SDK1: variants seen among roughly 807,000 people sequenced by gnomAD.
SDK1 encodes the protein sidekick cell adhesion molecule 1, also known as protein sidekick-1.
SDK1 carries 157 observed loss-of-function variants against 245.5 expected under a neutral mutation model. That is an observed-to-expected ratio of 0.64 (90% confidence interval 0.56 to 0.73). The LOEUF (loss-of-function observed/expected upper bound fraction) is 0.73, where lower values mean the gene tolerates loss of function less well. SDK1 is among the 30% of genes least tolerant of loss of function. SDK1 has a pLI of 0.00. For synonymous variants in SDK1, 1,647 were observed against 1,278.5 expected, an observed-to-expected ratio of 1.29 and a Z score of -6.15; for missense variants, 3,583 against 3,002.3, an observed-to-expected ratio of 1.19 and a Z score of -4.52.
At chr7:4,037,453 A>G (rs936294415) in intron 17 of SDK1, among the ~76,000 whole-genome samples, 3 of 152,204 alleles carry the variant, frequency 2.0e-5, no homozygotes, top group African/African-American at 7.2e-5. Flanking sequence ...ACCCATCTCT[A>G]CAAAAAATGC....
Position 3,924,904 on chromosome 7 carries a change from G to T in SDK1, c.848-26019G>T, listed in dbSNP as rs144330641. On this transcript the variant is annotated intron_variant, in intron 5 of 44. Transcript: ENST00000404826. The stretch of plus-strand genomic sequence containing the variant: ...TCACTTGTCTGGTGCTTCAAGCCTG[G>T]GGTCTGCCTTCCTAATAATGGCCAC... 6.8e-3 allele frequency among the ~76,000 whole-genome samples: 1,032 copies of T among 152,188 alleles called. 9 individuals are homozygous for T. The highest frequency in any genetic ancestry group is 0.011 in the Non-Finnish European group (761 of 68,004).
chr7:4,185,029 A>G (rs1782802633), intron 35 of SDK1, among the ~76,000 whole-genome samples: 1 of 152,190 alleles, frequency 6.6e-6, no homozygotes, highest in African/African-American at 2.4e-5. Flanking sequence ...TCTGTCCCCA[A>G]ACTAGTTGCT....
intron 17 of SDK1, among the ~76,000 whole-genome samples, chr7:4,023,959 G>T (rs1023455814): frequency 1.3e-5 from 2 of 152,178 alleles, no homozygotes; most frequent in Non-Finnish European, 1.5e-5. Context: ...TACATTTTTT[G>T]AATTCATCCA....
chr7:3,413,866 G>T (rs1779284610), intron 1 of SDK1, among the ~76,000 whole-genome samples: 1 of 152,092 alleles, frequency 6.6e-6, no homozygotes, highest in South Asian at 2.1e-4. Context: ...CATGTTTGTG[G>T]TCCCAGCTAC....
intron 14 of SDK1, among the ~76,000 whole-genome samples, chr7:3,998,282 T>C (rs903895949): frequency 1.3e-5 from 2 of 152,182 alleles, no homozygotes; most frequent in South Asian, 4.1e-4. Context: ...CGGCAGCACC[T>C]CCCTGCAACA....
chr7:3,331,389 A>G (rs538635437), intron 1 of SDK1, among the ~76,000 whole-genome samples: 14 of 152,208 alleles, frequency 9.2e-5, no homozygotes, highest in African/African-American at 1.9e-4. Flanking sequence ...TACTTCCTCA[A>G]TGGCTAATAA....
rs773434827 is a variant in SDK1 at position 3,962,717 on chromosome 7, A to G, written c.1295A>G (p.Asn432Ser). 1.9e-6 allele frequency: 3 copies of G among 1,613,812 alleles called. No individual in the cohort carries two copies. The highest frequency in any genetic ancestry group is 1.7e-6 in the Non-Finnish European group (2 of 1,179,870). ...KDAISISRLQ[N>S]PRYKVLASGG... ...GCCATCTCCATCAGCAGGCTCCAGA[A>G]TCCTCGATACAAAGTGCTCGCCAGC... Residue 432 changes from asparagine (N) to serine (S), a missense_variant, in exon 9 of 45, where the codon AAT becomes AGT. Coordinates refer to ENST00000404826, the MANE Select transcript of SDK1 (RefSeq NM_152744.4).
chr7:3,888,969 G>A (rs1781396896), intron 5 of SDK1, among the ~76,000 whole-genome samples: 1 of 152,138 alleles, frequency 6.6e-6, no homozygotes, highest in Non-Finnish European at 1.5e-5. Flanking sequence ...GGAGATCTAG[G>A]AATAGCATAA....
At chr7:3,819,598 A>G (rs2115057967) in intron 4 of SDK1, among the ~76,000 whole-genome samples, 1 of 152,216 alleles carries the variant, frequency 6.6e-6, no homozygotes, top group East Asian at 1.9e-4. Context: ...AAAATGGAAC[A>G]ATTTCTATGG....
chr7:3,619,072 T>A lies in SDK1; in HGVS notation c.299-8T>A. 1 of 1,559,242 alleles carries A rather than the reference T, an allele frequency of 6.4e-7. No individual in the cohort carries two copies. Among genetic ancestry groups the A allele is most frequent in the East Asian group, 2.4e-5 (1 of 42,456 alleles). ...AGTTTTGTTTTGTTTTGTTTTTTAA[T>A]ATTTCAGATGATGTTGCTCCATATT... On this transcript the variant is annotated splice_polypyrimidine_tract_variant and splice_region_variant and intron_variant, in intron 1 of 44. Transcript: ENST00000404826.
At chr7:3,753,215 G>A (rs1022143473) in intron 4 of SDK1, among the ~76,000 whole-genome samples, 5 of 152,132 alleles carry the variant, frequency 3.3e-5, no homozygotes, top group Admixed American at 1.3e-4. Flanking sequence ...CAACCTGAAT[G>A]TATGGAAATA....
chr7:3,958,469 C>G lies in SDK1; in HGVS notation c.1151-462C>G, dbSNP rs544014262. Among the ~76,000 whole-genome samples, 5 of 152,238 alleles carry G rather than the reference C, an allele frequency of 3.3e-5. 1 individual carries two copies. The highest frequency in any genetic ancestry group is 1.2e-4 in the African/African-American group (5 of 41,536). Reference sequence around the variant, plus strand: ...TTGGTATTCCATTGAAGTATTAAATCTCTATTTTGGAGAAGAACTGCTAAG... The same window carrying G: ...TTGGTATTCCATTGAAGTATTAAATGTCTATTTTGGAGAAGAACTGCTAAG... On this transcript the variant is annotated intron_variant, in intron 7 of 44. Coordinates refer to ENST00000404826, the MANE Select transcript of SDK1 (RefSeq NM_152744.4).
Position 4,035,188 on chromosome 7 carries a change from T to C in SDK1, c.2603-14160T>C, listed in dbSNP as rs370451488. Among the ~76,000 whole-genome samples, 652 of 152,184 alleles carry C rather than the reference T, an allele frequency of 4.3e-3. 8 individuals carry two copies. The highest frequency in any genetic ancestry group is 0.015 in the African/African-American group (619 of 41,520). On this transcript the variant is annotated intron_variant, in intron 17 of 44. Coordinates refer to ENST00000404826, the MANE Select transcript of SDK1 (RefSeq NM_152744.4). ...TTAGTAGAGATGGGGTTTCACCATG[T>C]TGGTGAGGCTGGTCTTGAACTCCTG...
Position 3,543,562 on chromosome 7 carries a change from A to G in SDK1, c.299-75518A>G, listed in dbSNP as rs566820032. ...GGGAATAAGGATGACACATAGCCACATAAAGGCAGGTCTGGAAACTCGCAA... is the reference window on the plus strand; with the variant it reads ...GGGAATAAGGATGACACATAGCCACGTAAAGGCAGGTCTGGAAACTCGCAA... On this transcript the variant is annotated intron_variant, in intron 1 of 44. Transcript: ENST00000404826. Among the ~76,000 whole-genome samples, 327 of 152,354 alleles carry G rather than the reference A, an allele frequency of 2.1e-3. 1 individual carries two copies. Among genetic ancestry groups the G allele is most frequent in the African/African-American group, 7.4e-3 (307 of 41,588 alleles).
chr7:3,768,447 A>G (rs1466198305), intron 4 of SDK1, among the ~76,000 whole-genome samples: 1 of 152,232 alleles, frequency 6.6e-6, no homozygotes, highest in Admixed American at 6.5e-5. Flanking sequence ...AACTTCAAAG[A>G]GCATTTCATT....
chr7:3,962,753 G>C lies in SDK1; in HGVS notation c.1331G>C (p.Arg444Pro). 6.2e-7 allele frequency: 1 copy of C among 1,613,618 alleles called. No individual in the cohort carries two copies. The highest frequency in any genetic ancestry group is 8.5e-7 in the Non-Finnish European group (1 of 1,179,856). The change falls in exon 9 of 45, where the codon CGC becomes CCC. Residue 444 changes from arginine (R) to proline (P), a missense_variant. Physicochemically the swap from Arg to Pro is moderately radical, Grantham distance 103. Transcript: ENST00000404826. Reference protein sequence around the residue: ...RYKVLASGGLRIQKLRPEDSG... With the variant: ...RYKVLASGGLPIQKLRPEDSG... ...AAAGTGCTCGCCAGCGGAGGCCTGC[G>C]CATCCAGAAGCTGCGTCCAGAGGAC...
intron 35 of SDK1, among the ~76,000 whole-genome samples, chr7:4,197,303 A>AAAAAAAG (rs113468283): frequency 2.7e-5 from 4 of 149,872 alleles, no homozygotes; most frequent in Non-Finnish European, 3.0e-5. Flanking sequence ...TCTCTGAAAA[A>AAAAAAAG]AAAAAGAAAA....
chr7:3,367,677 T>G (rs986392062), intron 1 of SDK1, among the ~76,000 whole-genome samples: 1 of 152,206 alleles, frequency 6.6e-6, no homozygotes, highest in African/African-American at 2.4e-5. Context: ...CTAGACCATT[T>G]ATAACTTAAC....
In SDK1 at chr7:3,713,963, C is replaced by T. The variant is rs568944826; in HGVS notation, c.713+71858C>T. Among the ~76,000 whole-genome samples the T allele has an allele frequency of 3.3e-5, 5 of 152,246 alleles. No homozygotes were observed. The South Asian group carries it at 1.0e-3, about 32-fold the overall frequency. ...ATGACTTTATTTAAAAGAGAGAGCACCTCAGACCCTAATTCAAAGACTGTT... is the reference window on the plus strand; with the variant it reads ...ATGACTTTATTTAAAAGAGAGAGCATCTCAGACCCTAATTCAAAGACTGTT... On this transcript the variant is annotated intron_variant, in intron 4 of 44. Transcript: ENST00000404826.
Sources: gnomAD v4.1 joint callset for allele counts (sites outside exome capture counted in the v4.1 genomes callset) on GRCh38, gnomAD v4.1.1 for gene constraint, MANE v1.5 for transcripts, NCBI Gene and HGNC (gene_info 2026-07-23, HGNC 2026-07-21) for gene names.